SCRG1: variants seen among roughly 807,000 people sequenced by gnomAD.
SCRG1 encodes stimulator of chondrogenesis 1.
In SCRG1, 3 loss-of-function variants were observed where a neutral mutation model predicts 7.7. That is an observed-to-expected ratio of 0.39 (90% confidence interval 0.18 to 1.01). The LOEUF (loss-of-function observed/expected upper bound fraction) is 1.01, where lower values mean the gene tolerates loss of function less well. SCRG1 is among the 50% of genes least tolerant of loss of function. SCRG1 has a pLI of 0.36. For missense variants in SCRG1, 110 were observed against 117.2 expected, an observed-to-expected ratio of 0.94 and a Z score of 0.28; for synonymous variants, 46 against 41.2, an observed-to-expected ratio of 1.12 and a Z score of -0.44.
chr4:173,495,091 C>A, the SCRG1 span, among the ~76,000 whole-genome samples: 114 of 152,344 alleles, frequency 7.5e-4, 1 homozygote, highest in Non-Finnish European at 7.1e-4. Flanking sequence ...CCTTCGGTAA[C>A]TGCCCCAAGT....
the SCRG1 span, among the ~76,000 whole-genome samples, chr4:173,481,973 T>A: frequency 1.4e-3 from 210 of 152,264 alleles, 3 homozygotes; most frequent in African/African-American, 4.8e-3. Context: ...CTTTTTTTTT[T>A]AATCAGCCTA....
the SCRG1 span, among the ~76,000 whole-genome samples, chr4:173,484,496 A>ATATATATTATATATTATATACATAT: frequency 2.2e-5 from 1 of 46,090 alleles, no homozygotes; most frequent in Admixed American, 3.9e-4. Context: ...TATACATATA[A>ATATATATTATATATTATATACATAT]TATATATTAT....
the SCRG1 span, among the ~76,000 whole-genome samples, chr4:173,508,088 GGAAAAGCCCGA>G: frequency 1.1e-3 from 160 of 152,252 alleles, 5 homozygotes; most frequent in South Asian, 0.032. This position sits in a 1 kb window ranked among gnomAD's most constrained non-coding sequence, Gnocchi z 4.4. Context: ...GCAGTGCCTG[GGAAAAGCCCGA>G]GAAAAGCCCT....
the SCRG1 span, among the ~76,000 whole-genome samples, chr4:173,418,659 G>C: frequency 6.6e-6 from 1 of 152,168 alleles, no homozygotes; most frequent in African/African-American, 2.4e-5. Flanking sequence ...GTTTGGGTCT[G>C]TATACCCACC....
At chr4:173,402,346 G>C (rs1186393503), upstream of SCRG1, among the ~76,000 whole-genome samples, 1 of 152,038 alleles carries the variant, frequency 6.6e-6, no homozygotes, top group Non-Finnish European at 1.5e-5. Flanking sequence ...TCACAAATTA[G>C]TGATAAGACC....
chr4:173,437,280 G>T, the SCRG1 span, among the ~76,000 whole-genome samples: 1 of 151,876 alleles, frequency 6.6e-6, no homozygotes, highest in Non-Finnish European at 1.5e-5. Context: ...ACACACACAC[G>T]CACAGAGTAG....
chr4:173,397,718 C>T (rs180776603), intron 1 of SCRG1, among the ~76,000 whole-genome samples: 4 of 152,270 alleles, frequency 2.6e-5, no homozygotes, highest in Admixed American at 2.0e-4. Flanking sequence ...AAAATTATCC[C>T]ATTTAATTGC....
the SCRG1 span, among the ~76,000 whole-genome samples, chr4:173,464,385 A>T: frequency 7.7e-3 from 1,170 of 152,290 alleles, 18 homozygotes; most frequent in East Asian, 0.025. Context: ...TAGTTGATGG[A>T]TTCAGTTGGA....
the SCRG1 span, among the ~76,000 whole-genome samples, chr4:173,470,350 G>A: frequency 2.0e-5 from 3 of 152,150 alleles, no homozygotes; most frequent in Non-Finnish European, 4.4e-5. Flanking sequence ...AAGACAATGA[G>A]ACATAATCCC....
chr4:173,453,259 T>G, the SCRG1 span, among the ~76,000 whole-genome samples: 1 of 152,246 alleles, frequency 6.6e-6, no homozygotes, highest in Non-Finnish European at 1.5e-5. Flanking sequence ...CTATCCCCTG[T>G]ATAAACATCC....
the SCRG1 span, among the ~76,000 whole-genome samples, chr4:173,494,419 A>C: frequency 1.3e-5 from 2 of 152,216 alleles, no homozygotes; most frequent in Non-Finnish European, 2.9e-5. Flanking sequence ...CAGGTGCGGA[A>C]GAAGAAAAAA....
the SCRG1 span, among the ~76,000 whole-genome samples, chr4:173,475,650 G>A: frequency 1.3e-5 from 2 of 152,122 alleles, no homozygotes; most frequent in Non-Finnish European, 2.9e-5. Context: ...CAATGTTCAT[G>A]GCAGCATCAT....
chr4:173,490,376 G>T, the SCRG1 span, among the ~76,000 whole-genome samples: 15 of 152,122 alleles, frequency 9.9e-5, no homozygotes, highest in African/African-American at 3.6e-4. Context: ...CACATTTTTG[G>T]TTCAGGAATT....
At chr4:173,410,089 A>G (rs1740007634), upstream of SCRG1, among the ~76,000 whole-genome samples, 1 of 152,206 alleles carries the variant, frequency 6.6e-6, no homozygotes, top group Non-Finnish European at 1.5e-5. Context: ...TTTGAGATTC[A>G]ACCTAAGTAA....
chr4:173,441,568 T>C, the SCRG1 span, among the ~76,000 whole-genome samples: 1 of 152,236 alleles, frequency 6.6e-6, no homozygotes. Context: ...AAAGGATCAC[T>C]GTATTAGGAT....
chr4:173,456,715 C>A, the SCRG1 span, among the ~76,000 whole-genome samples: 1 of 151,062 alleles, frequency 6.6e-6, no homozygotes, highest in African/African-American at 2.4e-5. Flanking sequence ...AGAATATGTA[C>A]AAAAATTAGG....
At chr4:173,429,744 T>C in the SCRG1 span, among the ~76,000 whole-genome samples, 7 of 152,324 alleles carry the variant, frequency 4.6e-5, no homozygotes, top group Admixed American at 1.3e-4. Context: ...TGTAAGTCTA[T>C]AAGGAATCAA....
At chr4:173,460,754 G>C in the SCRG1 span, among the ~76,000 whole-genome samples, 53 of 152,094 alleles carry the variant, frequency 3.5e-4, no homozygotes, top group South Asian at 1.2e-3. Context: ...AAAGTACCAA[G>C]TGGGCTCCTA....
chr4:173,386,968 G>A lies in SCRG1; in HGVS notation c.*1373C>T, dbSNP rs542490308. On this transcript the variant is annotated 3_prime_UTR_variant, in exon 3 of 3. Coordinates refer to ENST00000296506, the MANE Select transcript of SCRG1 (RefSeq NM_007281.4). ...CTGACATTACCTCTGATGGCAATAT[G>A]AGTCACATACCTCTTAAGTTATGGG... is the stretch of plus-strand genomic sequence containing the variant. 1 of 152,250 alleles carries A rather than the reference G, an allele frequency of 6.6e-6. No homozygotes were observed. The highest frequency in any genetic ancestry group is 2.1e-4 in the South Asian group (1 of 4,824). 9.4% of individuals were successfully genotyped at this position (152,250 alleles called of 1,614,324 possible).
Sources: allele counts gnomAD v4.1 joint callset (sites outside exome capture counted in the v4.1 genomes callset), GRCh38; gene constraint gnomAD v4.1.1; non-coding constraint Gnocchi (gnomAD v3.1); transcripts MANE v1.5; gene names NCBI Gene and HGNC (gene_info 2026-07-23, HGNC 2026-07-21).